The following IMMP2L variants were observed in gnomAD, a reference collection of about 807,000 sequenced individuals.
IMMP2L encodes inner mitochondrial membrane peptidase subunit 2, also known as mitochondrial inner membrane protease subunit 2.
In IMMP2L, 18 loss-of-function variants were observed where a neutral mutation model predicts 19.3. That is an observed-to-expected ratio of 0.93 (90% CI 0.64 to 1.38). IMMP2L has a LOEUF of 1.38. Ranked by LOEUF, IMMP2L falls within the 40% of genes most tolerant of loss-of-function variation. IMMP2L has a pLI of 0.00. For missense variants in IMMP2L, 233 were observed against 218.2 expected (o/e 1.07, Z -0.43); for synonymous variants, 76 against 73.0 (o/e 1.04, Z -0.21).
At chr7:111,144,407 G>C (rs1562849807) in intron 3 of IMMP2L, among the ~76,000 whole-genome samples, 1 of 152,136 alleles carries the variant, frequency 6.6e-6, no homozygotes, top group Admixed American at 6.6e-5. Flanking sequence ...AGTCACATAA[G>C]CTGGGAGTCA....
At chr7:111,543,922 C>G (rs1207159286) in intron 1 of IMMP2L, among the ~76,000 whole-genome samples, 1 of 152,072 alleles carries the variant, frequency 6.6e-6, no homozygotes, top group African/African-American at 2.4e-5. Context: ...AACAAATGAA[C>G]TCAGAATCAT....
intron 3 of IMMP2L, among the ~76,000 whole-genome samples, chr7:111,194,273 G>T (rs79509265): frequency 0.011 from 1,621 of 152,242 alleles, 34 homozygotes; most frequent in African/African-American, 0.036. Context: ...TTGATGAACT[G>T]AGTATTCATC....
intron 3 of IMMP2L, among the ~76,000 whole-genome samples, chr7:111,341,474 G>A (rs184534888): frequency 6.6e-6 from 1 of 152,128 alleles, no homozygotes; most frequent in Admixed American, 6.6e-5. Context: ...TACACCAAAT[G>A]AGACTTTCAA....
intron 3 of IMMP2L, among the ~76,000 whole-genome samples, chr7:111,385,917 C>T (rs1325048186): frequency 1.3e-5 from 2 of 151,638 alleles, no homozygotes; most frequent in African/African-American, 2.4e-5. Flanking sequence ...AATTGCTCCA[C>T]ATGAATTTTT....
chr7:110,685,134 T>C (rs1238117126), intron 5 of IMMP2L, among the ~76,000 whole-genome samples: 1 of 152,022 alleles, frequency 6.6e-6, no homozygotes, highest in East Asian at 1.9e-4. Context: ...CATAAAAAAA[T>C]CCTGATAGTT....
chr7:110,806,747 A>G (rs574046648), intron 5 of IMMP2L, among the ~76,000 whole-genome samples: 1 of 152,148 alleles, frequency 6.6e-6, no homozygotes, highest in South Asian at 2.1e-4. Context: ...ATCCAATTTA[A>G]ATGCTTTCTT....
At chr7:110,831,981 G>C (rs1804010800) in intron 5 of IMMP2L, among the ~76,000 whole-genome samples, 2 of 152,164 alleles carry the variant, frequency 1.3e-5, no homozygotes, top group South Asian at 4.1e-4. Flanking sequence ...CCACTCTGTA[G>C]GGCTGGGCGC....
intron 3 of IMMP2L, among the ~76,000 whole-genome samples, chr7:111,077,858 G>A (rs952337386): frequency 1.3e-5 from 2 of 152,052 alleles, no homozygotes; most frequent in African/African-American, 2.4e-5. Flanking sequence ...GCCTTTTTCT[G>A]TCCCTAGGAT....
chr7:111,107,030 A>G (rs772943872), intron 3 of IMMP2L, among the ~76,000 whole-genome samples: 2 of 151,994 alleles, frequency 1.3e-5, no homozygotes, highest in Non-Finnish European at 2.9e-5. Flanking sequence ...GAAAACAATC[A>G]AAGTTTCTAT....
At chr7:111,448,557 C>A (rs1838772593) in intron 3 of IMMP2L, among the ~76,000 whole-genome samples, 1 of 104,992 alleles carries the variant, frequency 9.5e-6, no homozygotes, top group African/African-American at 3.7e-5. Flanking sequence ...ACATTCAAAG[C>A]AGTGTGTAGA....
intron 5 of IMMP2L, among the ~76,000 whole-genome samples, chr7:110,719,876 T>A (rs1795463034): frequency 6.6e-6 from 1 of 152,208 alleles, no homozygotes; most frequent in East Asian, 1.9e-4. Context: ...CACCCACTAT[T>A]TATAACATTT....
In IMMP2L at chr7:110,809,740, G is replaced by A. The variant is rs1801895404; in HGVS notation, c.408+76853C>T. On this transcript the variant is annotated intron_variant, in intron 5 of 5. Coordinates refer to ENST00000405709, the MANE Select transcript of IMMP2L (RefSeq NM_032549.4). The stretch of plus-strand genomic sequence containing the variant: ...AACAATTACTACATTTCTCTAACAG[G>A]GCAACTATCTGTTTCATCAGTTGGA... Among the ~76,000 whole-genome samples the A allele has an allele frequency of 2.0e-5, 3 of 151,890 alleles. No homozygotes were observed. In the South Asian group the frequency reaches 6.2e-4, roughly 32 times the overall value.
At chr7:110,970,761 T>C (rs1224415107) in intron 3 of IMMP2L, among the ~76,000 whole-genome samples, 2 of 152,068 alleles carry the variant, frequency 1.3e-5, no homozygotes, top group Non-Finnish European at 2.9e-5. Flanking sequence ...CAACCCCTCA[T>C]CCAAACTACC....
chr7:110,945,014 G>A (rs1056389391), intron 4 of IMMP2L, among the ~76,000 whole-genome samples: 8 of 152,002 alleles, frequency 5.3e-5, no homozygotes, highest in African/African-American at 1.7e-4. Context: ...AAAATGCTGA[G>A]TAGGAATTCG....
chr7:111,025,994 G>C (rs946570993), intron 3 of IMMP2L, among the ~76,000 whole-genome samples: 2 of 150,998 alleles, frequency 1.3e-5, no homozygotes, highest in Non-Finnish European at 1.5e-5. Flanking sequence ...CTATCTGATA[G>C]ATCCTTTTGC....
chr7:111,383,464 T>C (rs1353880531), intron 3 of IMMP2L, among the ~76,000 whole-genome samples: 2 of 152,040 alleles, frequency 1.3e-5, no homozygotes, highest in African/African-American at 2.4e-5. Context: ...CCACCTACAA[T>C]TGAATGAGTG....
intron 3 of IMMP2L, among the ~76,000 whole-genome samples, chr7:110,995,620 C>A (rs985307107): frequency 6.6e-6 from 1 of 152,106 alleles, no homozygotes; most frequent in African/African-American, 2.4e-5. Flanking sequence ...TATTTCAGTT[C>A]TTTCTGGTAC....
intron 3 of IMMP2L, among the ~76,000 whole-genome samples, chr7:111,358,919 G>C (rs1301059359): frequency 2.0e-5 from 3 of 152,118 alleles, no homozygotes; most frequent in African/African-American, 7.2e-5. Context: ...TTTCATTTTA[G>C]ATCTTTTTCC....
intron 5 of IMMP2L, among the ~76,000 whole-genome samples, chr7:110,731,175 T>C (rs1430535377): frequency 6.6e-6 from 1 of 152,164 alleles, no homozygotes; most frequent in Non-Finnish European, 1.5e-5. Flanking sequence ...GCCATGAGAA[T>C]TAAGGGAAAT....
Sources: allele counts gnomAD v4.1 joint callset (sites outside exome capture counted in the v4.1 genomes callset), GRCh38; gene constraint gnomAD v4.1.1; transcripts MANE v1.5; gene names NCBI Gene and HGNC (gene_info 2026-07-23, HGNC 2026-07-21).